BBS9: variants seen among roughly 807,000 people sequenced by gnomAD.
The protein encoded by BBS9 is Bardet-Biedl syndrome 9, also known as protein PTHB1.
Under a neutral mutation model 117.7 loss-of-function variants are expected in BBS9, and 89 were observed. That is an observed-to-expected ratio of 0.76 (90% CI 0.64 to 0.90). BBS9 has a LOEUF of 0.90. BBS9 is among the 40% of genes least tolerant of loss of function. The probability of loss-of-function intolerance (pLI) is 0.00; values close to 1 mark genes in which losing one functional copy is unlikely to be tolerated. For missense variants in BBS9, 982 were observed against 1,042.2 expected, an observed-to-expected ratio of 0.94 and a Z score of 0.80; for synonymous variants, 379 against 370.9, an observed-to-expected ratio of 1.02 and a Z score of -0.25.
At chr7:33,304,811 A>G (rs1807528047) in intron 9 of BBS9, among the ~76,000 whole-genome samples, 6 of 152,198 alleles carry the variant, frequency 3.9e-5, no homozygotes, top group Non-Finnish European at 8.8e-5. Flanking sequence ...CTGCCTTGGG[A>G]TGCTGTTAAT....
chr7:33,225,966 T>C (rs2128246736), intron 5 of BBS9, among the ~76,000 whole-genome samples: 1 of 152,356 alleles, frequency 6.6e-6, no homozygotes, highest in East Asian at 1.9e-4. Flanking sequence ...CACATTTGTA[T>C]ATATATTTGC....
chr7:33,348,252 T>C (rs1296526928), intron 12 of BBS9, among the ~76,000 whole-genome samples: 1 of 152,168 alleles, frequency 6.6e-6, no homozygotes, highest in Non-Finnish European at 1.5e-5. Context: ...AATATGTGGT[T>C]CTTTGTGGCT....
chr7:33,184,691 C>T (rs1362341153), intron 5 of BBS9, among the ~76,000 whole-genome samples: 1 of 152,082 alleles, frequency 6.6e-6, no homozygotes, highest in Non-Finnish European at 1.5e-5. Flanking sequence ...TCCTTCGTAT[C>T]GTTCTTTCAT....
intron 19 of BBS9, among the ~76,000 whole-genome samples, chr7:33,455,034 C>G (rs17170252): frequency 0.09 from 13,739 of 152,192 alleles, 660 homozygotes; most frequent in South Asian, 0.14. Context: ...AAAGGAGGAG[C>G]AATCCCAGTT....
intron 5 of BBS9, among the ~76,000 whole-genome samples, chr7:33,252,961 T>C (rs949183030): frequency 6.6e-6 from 1 of 152,142 alleles, no homozygotes; most frequent in African/African-American, 2.4e-5. Flanking sequence ...ATTTATACAC[T>C]TTTTTTGATG....
intron 19 of BBS9, among the ~76,000 whole-genome samples, chr7:33,468,950 T>C (rs1247125831): frequency 6.6e-6 from 1 of 152,218 alleles, no homozygotes; most frequent in Non-Finnish European, 1.5e-5. Context: ...CTCTTGTGAA[T>C]AGTGCTGCTT....
chr7:33,167,542 G>T (rs927096532), intron 4 of BBS9, among the ~76,000 whole-genome samples: 1 of 151,700 alleles, frequency 6.6e-6, no homozygotes, highest in Non-Finnish European at 1.5e-5. Flanking sequence ...GGCTGGGATT[G>T]CAGGTGCCCA....
Position 33,599,620 on chromosome 7 carries a change from A to G in BBS9, c.2522-5245A>G, listed in dbSNP as rs146379069. Among the ~76,000 whole-genome samples the G allele has an allele frequency of 2.6e-5, 4 of 152,304 alleles. No homozygotes were observed. The East Asian group carries it at 7.7e-4, about 29-fold the overall frequency. ...GTGCCTCAAAGACATTCTTTTTAACATCCATTGATGTAGTCTCCAATTTAT... is the reference window on the plus strand; with the variant it reads ...GTGCCTCAAAGACATTCTTTTTAACGTCCATTGATGTAGTCTCCAATTTAT... On this transcript the variant is annotated intron_variant, in intron 21 of 22. Coordinates refer to ENST00000242067, the MANE Select transcript of BBS9 (RefSeq NM_198428.3).
intron 19 of BBS9, among the ~76,000 whole-genome samples, chr7:33,504,848 CT>C (rs751086164): frequency 0.017 from 2,386 of 140,022 alleles, 29 homozygotes; most frequent in Middle Eastern, 0.098. Context: ...ACACCCTGAA[CT>C]TTTTTTTTTT....
intron 21 of BBS9, among the ~76,000 whole-genome samples, chr7:33,590,126 C>G (rs1297527686): frequency 6.6e-6 from 1 of 152,032 alleles, no homozygotes. Flanking sequence ...GAAAATTAGC[C>G]CATTGATGGA....
intron 2 of BBS9, among the ~76,000 whole-genome samples, chr7:33,148,391 A>G (rs754555823): frequency 3.9e-5 from 6 of 152,094 alleles, no homozygotes; most frequent in Non-Finnish European, 8.8e-5. Flanking sequence ...AGGAAAACTA[A>G]TTAGGCTGGT....
Position 33,351,284 on chromosome 7 carries a change from T to A in BBS9, c.1498T>A (p.Leu500Met), listed in dbSNP as rs751700178. The A allele has an allele frequency of 6.2e-7, 1 of 1,613,174 alleles. No individual in the cohort carries two copies. The highest frequency in any genetic ancestry group is 1.1e-5 in the South Asian group (1 of 91,070). The change falls in exon 14 of 23, where the codon TTG becomes ATG. Residue 500 changes from leucine to methionine, a missense_variant. Leu to Met is a conservative substitution (Grantham distance 15). Transcript: ENST00000242067. Reference protein sequence around the residue: ...YLKRSYTPSELEGNAVVSYSR... With the variant: ...YLKRSYTPSEMEGNAVVSYSR... ...GAAAAGAAGTTATACACCATCAGAA[T>A]TGGAAGGAAATGCTGTTGTTTCTTA...
rs529964275 is a variant in BBS9 at position 33,376,112 on chromosome 7, G to T, written c.1790-7554G>T. On this transcript the variant is annotated intron_variant, in intron 17 of 22. Transcript: ENST00000242067. ...TTGTGTAATGAGGGTTTGCTGTACA[G>T]ATTACTTTTCTCACCCAGGTACTAA... Among the ~76,000 whole-genome samples the T allele has an allele frequency of 9.1e-4, 138 of 152,074 alleles. 1 individual carries two copies. Among genetic ancestry groups the T allele is most frequent in the Non-Finnish European group, 1.6e-3 (109 of 67,966 alleles).
chr7:33,432,036 C>T (rs1217224909), intron 19 of BBS9, among the ~76,000 whole-genome samples: 1 of 151,778 alleles, frequency 6.6e-6, no homozygotes, highest in African/African-American at 2.4e-5. Flanking sequence ...CCCTAAGAAA[C>T]TCATTCTAGT....
At chr7:33,199,503 G>C (rs1283266822) in intron 5 of BBS9, among the ~76,000 whole-genome samples, 3 of 151,688 alleles carry the variant, frequency 2.0e-5, no homozygotes. Context: ...TGGAATAGTT[G>C]AGCTCTTTGT....
At chr7:33,529,789 T>A (rs1325396188) in intron 20 of BBS9, among the ~76,000 whole-genome samples, 6 of 152,224 alleles carry the variant, frequency 3.9e-5, no homozygotes, top group African/African-American at 1.4e-4. Flanking sequence ...TTTTTAGTGC[T>A]ATATTTCCCA....
At chr7:33,341,645 C>A (rs543041159) in intron 11 of BBS9, among the ~76,000 whole-genome samples, 1 of 152,082 alleles carries the variant, frequency 6.6e-6, no homozygotes, top group Non-Finnish European at 1.5e-5. Flanking sequence ...TAATAATCAA[C>A]ATCATCATAA....
chr7:33,193,197 T>A (rs1183609621), intron 5 of BBS9, among the ~76,000 whole-genome samples: 1 of 152,150 alleles, frequency 6.6e-6, no homozygotes, highest in Non-Finnish European at 1.5e-5. Flanking sequence ...CCTATATATA[T>A]CTATATATCT....
chr7:33,255,769 C>T (rs79930587), intron 5 of BBS9, among the ~76,000 whole-genome samples: 5,365 of 152,224 alleles, frequency 0.035, 172 homozygotes, highest in African/African-American at 0.08. Context: ...TCTGTGAATA[C>T]ATGTGTACAG....
Sources: allele counts gnomAD v4.1 joint callset (sites outside exome capture counted in the v4.1 genomes callset), GRCh38; gene constraint gnomAD v4.1.1; transcripts MANE v1.5; gene names NCBI Gene and HGNC (gene_info 2026-07-23, HGNC 2026-07-21).